SORCS3: variants seen among roughly 807,000 people sequenced by gnomAD.
SORCS3 encodes the protein sortilin related VPS10 domain containing receptor 3.
In SORCS3, 57 loss-of-function variants were observed where a neutral mutation model predicts 146.3. That is an observed-to-expected ratio of 0.39 (90% CI 0.31 to 0.49). SORCS3 has a LOEUF of 0.49. SORCS3 is among the 20% of genes least tolerant of loss of function. The probability of loss-of-function intolerance (pLI) is 0.92; values close to 1 mark genes in which losing one functional copy is unlikely to be tolerated. For missense variants in SORCS3, 1,341 were observed against 1,575.5 expected (o/e 0.85, Z 2.52); for synonymous variants, 653 against 618.5 (o/e 1.06, Z -0.83).
At chr10:105,065,353 G>C (rs757375500) in intron 5 of SORCS3, among the ~76,000 whole-genome samples, 2 of 152,004 alleles carry the variant, frequency 1.3e-5, no homozygotes, top group Non-Finnish European at 2.9e-5. Flanking sequence ...TCTATTGAGA[G>C]TGTGGAAACT....
intron 2 of SORCS3, among the ~76,000 whole-genome samples, chr10:104,898,866 T>C (rs2133588571): frequency 6.6e-6 from 1 of 152,322 alleles, no homozygotes; most frequent in East Asian, 1.9e-4. Context: ...TATTGGGCTA[T>C]GATATGAGTG....
chr10:104,704,569 A>G (rs1010066776), intron 1 of SORCS3, among the ~76,000 whole-genome samples: 1 of 152,108 alleles, frequency 6.6e-6, no homozygotes, highest in East Asian at 1.9e-4. Context: ...GGATGGGTAA[A>G]GGGGTCAACA....
At position 105,209,605 on chromosome 10, in the gene SORCS3, C is replaced by T. The variant is rs533814430; in HGVS notation, c.2262-1532C>T. Among the ~76,000 whole-genome samples the T allele has an allele frequency of 7.9e-5, 12 of 152,216 alleles. No individual in the cohort carries two copies. The South Asian group carries it at 2.5e-3, about 32-fold the overall frequency. On this transcript the variant is annotated intron_variant, in intron 16 of 26. Transcript: ENST00000369701. The stretch of plus-strand genomic sequence containing the variant: ...TGTAGCTTCCACTTATAGTTACCAA[C>T]AGGTTATGACCCCAGAGATTTTGTC...
chr10:104,755,312 C>G (rs2017037888), intron 1 of SORCS3, among the ~76,000 whole-genome samples: 1 of 152,204 alleles, frequency 6.6e-6, no homozygotes, highest in African/African-American at 2.4e-5. Context: ...TATTCAGTCA[C>G]TCATTCATAC....
chr10:105,263,488 C>A lies in SORCS3; in HGVS notation c.*114C>A. On this transcript the variant is annotated 3_prime_UTR_variant, in exon 27 of 27. Coordinates refer to ENST00000369701, the MANE Select transcript of SORCS3 (RefSeq NM_014978.3). ...TTTTTACCTTTTGTTTACCAAGGGC[C>A]CCTTCATAAATAGCAGGCAAATGCC... is the stretch of plus-strand genomic sequence containing the variant. 9.6e-7 allele frequency: 1 copy of A among 1,036,492 alleles called. No homozygotes were observed. Among genetic ancestry groups the A allele is most frequent in the Non-Finnish European group, 1.4e-6 (1 of 700,736 alleles). 64.2% of individuals were successfully genotyped at this position (1,036,492 alleles called of 1,614,324 possible).
chr10:104,741,716 T>TTTTTTTG (rs2016846398), intron 1 of SORCS3, among the ~76,000 whole-genome samples: 1 of 138,430 alleles, frequency 7.2e-6, no homozygotes, highest in Non-Finnish European at 1.6e-5. Context: ...TTTTTTTTTT[T>TTTTTTTG]TTTTTTTTTT....
intron 17 of SORCS3, among the ~76,000 whole-genome samples, chr10:105,212,239 A>G (rs2056638377): frequency 6.6e-6 from 1 of 152,170 alleles, no homozygotes; most frequent in Admixed American, 6.5e-5. Flanking sequence ...CATGCCAACT[A>G]TTTAGTTCTG....
chr10:105,201,392 A>C, intron 16 of SORCS3, 139 bp downstream of exon 16: 1 of 1,065,130 alleles, frequency 9.4e-7, no homozygotes. Context: ...GGGCCCATCC[A>C]TCCCAGTTAC....
intron 1 of SORCS3, among the ~76,000 whole-genome samples, chr10:104,708,147 T>C (rs1763038196): frequency 6.6e-6 from 1 of 152,234 alleles, no homozygotes; most frequent in Non-Finnish European, 1.5e-5. Flanking sequence ...TGCTTATTCA[T>C]GAATTTTCAA....
intron 7 of SORCS3, among the ~76,000 whole-genome samples, chr10:105,129,688 C>A (rs1163814406): frequency 6.6e-6 from 1 of 151,338 alleles, no homozygotes; most frequent in Non-Finnish European, 1.5e-5. Flanking sequence ...CACACACACA[C>A]AAATAGGAAA....
At chr10:105,053,656 A>G (rs1439487949) in intron 5 of SORCS3, among the ~76,000 whole-genome samples, 1 of 151,930 alleles carries the variant, frequency 6.6e-6, no homozygotes, top group East Asian at 1.9e-4. Context: ...ATAAAATTTT[A>G]TATCTTTTAA....
chr10:104,670,474 C>T (rs533957993), intron 1 of SORCS3, among the ~76,000 whole-genome samples: 2 of 152,186 alleles, frequency 1.3e-5, no homozygotes, highest in Non-Finnish European at 2.9e-5. Flanking sequence ...GTCTTTGCAC[C>T]TTTCTCAAAA....
intron 12 of SORCS3, among the ~76,000 whole-genome samples, chr10:105,165,250 A>G (rs78741403): frequency 0.01 from 1,541 of 152,238 alleles, 28 homozygotes; most frequent in African/African-American, 0.034. Flanking sequence ...TCAGGGTGAT[A>G]ATAATATTTT....
intron 7 of SORCS3, among the ~76,000 whole-genome samples, chr10:105,131,723 C>G (rs1020535702): frequency 1.3e-5 from 2 of 152,080 alleles, no homozygotes; most frequent in African/African-American, 4.8e-5. Flanking sequence ...AGGAAACTTA[C>G]AATTACGGCG....
chr10:104,975,114 C>A (rs1564726269), intron 3 of SORCS3, among the ~76,000 whole-genome samples: 1 of 152,056 alleles, frequency 6.6e-6, no homozygotes, highest in Non-Finnish European at 1.5e-5. Flanking sequence ...AAGAGGAAGT[C>A]AAATTGTCCT....
chr10:104,942,508 A>T (rs2019330653), intron 3 of SORCS3, among the ~76,000 whole-genome samples: 1 of 152,272 alleles, frequency 6.6e-6, no homozygotes, highest in Admixed American at 6.5e-5. Flanking sequence ...TAAGAATTAC[A>T]GATTAATCCT....
chr10:105,014,818 T>C (rs937734994), intron 4 of SORCS3, among the ~76,000 whole-genome samples: 2 of 152,166 alleles, frequency 1.3e-5, no homozygotes, highest in Non-Finnish European at 2.9e-5. Context: ...AGTTCTCCTC[T>C]TTTACCATCT....
chr10:105,081,889 G>A (rs553267609), intron 5 of SORCS3, among the ~76,000 whole-genome samples: 119 of 152,228 alleles, frequency 7.8e-4, no homozygotes, highest in Middle Eastern at 3.4e-3. Context: ...CAATCTACAA[G>A]GTAAACATGA....
At chr10:104,837,207 G>A (rs1436375980) in intron 1 of SORCS3, among the ~76,000 whole-genome samples, 1 of 152,154 alleles carries the variant, frequency 6.6e-6, no homozygotes, top group Non-Finnish European at 1.5e-5. Context: ...TGACCTCAAG[G>A]AGGTCACAGT....
Sources: gnomAD v4.1 joint callset for allele counts (sites outside exome capture counted in the v4.1 genomes callset) on GRCh38, gnomAD v4.1.1 for gene constraint, MANE v1.5 for transcripts, NCBI Gene and HGNC (gene_info 2026-07-23, HGNC 2026-07-21) for gene names.